ATP6V1A: variants seen among roughly 807,000 people sequenced by gnomAD.
The protein encoded by ATP6V1A is V-type proton ATPase catalytic subunit A.
ATP6V1A carries 18 observed loss-of-function variants against 70.1 expected under a neutral mutation model. That is an observed-to-expected ratio of 0.26 (90% CI 0.18 to 0.38). The LOEUF is 0.38. Among genes scored for constraint, ATP6V1A ranks in the 10% least tolerant of loss-of-function variants. ATP6V1A has a pLI of 1.00. For synonymous variants in ATP6V1A, 232 were observed against 253.8 expected (o/e 0.91, Z 0.82); for missense variants, 424 against 772.4 (o/e 0.55, Z 5.35).
intron 13 of ATP6V1A, among the ~76,000 whole-genome samples, chr3:113,804,299 C>G (rs1709251746): frequency 6.6e-6 from 1 of 151,922 alleles, no homozygotes; most frequent in Non-Finnish European, 1.5e-5. Flanking sequence ...TCTTCTTTTA[C>G]TTTTTTCCTA....
At chr3:113,781,289 G>A in intron 3 of ATP6V1A, 111 bp downstream of exon 3, 1 of 1,248,552 alleles carries the variant, frequency 8.0e-7, no homozygotes, top group Non-Finnish European at 1.1e-6. Context: ...GAGGCAGGCA[G>A]GTGGATCACC....
chr3:113,767,815 T>G (rs994794348), intron 1 of ATP6V1A, among the ~76,000 whole-genome samples: 1 of 152,182 alleles, frequency 6.6e-6, no homozygotes. Context: ...CATGCCCAGC[T>G]AATGTTTTTG....
At chr3:113,784,674 C>T (rs746120220) in intron 4 of ATP6V1A, 22 bp from the exon 5 acceptor site, 1 of 1,608,180 alleles carries the variant, frequency 6.2e-7, no homozygotes, top group Non-Finnish European at 8.5e-7. Context: ...GCAAATTAAA[C>T]AGCAAATACA....
At chr3:113,797,845 T>C (rs1325224852) in intron 11 of ATP6V1A, among the ~76,000 whole-genome samples, 1 of 152,160 alleles carries the variant, frequency 6.6e-6, no homozygotes, top group African/African-American at 2.4e-5. Context: ...AATTGTAGAA[T>C]TGCATATTTA....
intron 1 of ATP6V1A, among the ~76,000 whole-genome samples, chr3:113,762,003 T>G (rs1708710252): frequency 8.1e-6 from 1 of 123,558 alleles, no homozygotes. Flanking sequence ...AAATACATAA[T>G]TAGCTGGGCA....
intron 7 of ATP6V1A, among the ~76,000 whole-genome samples, chr3:113,789,262 G>C (rs1709068265): frequency 6.6e-6 from 1 of 152,044 alleles, no homozygotes; most frequent in African/African-American, 2.4e-5. Flanking sequence ...TGGCCAGGCT[G>C]GTTTTGAACT....
intron 1 of ATP6V1A, among the ~76,000 whole-genome samples, chr3:113,775,228 AC>A (rs1337601961): frequency 6.7e-6 from 1 of 149,692 alleles, no homozygotes; most frequent in African/African-American, 2.5e-5. Context: ...TTCACAAGGA[AC>A]TTTTTTTTTT....
intron 1 of ATP6V1A, among the ~76,000 whole-genome samples, chr3:113,767,775 C>T (rs944571847): frequency 1.3e-5 from 2 of 152,076 alleles, no homozygotes; most frequent in African/African-American, 4.8e-5. Flanking sequence ...CTCAGCTTCC[C>T]TAGTAGCTGG....
intron 1 of ATP6V1A, among the ~76,000 whole-genome samples, chr3:113,759,211 A>T (rs111299290): frequency 6.6e-6 from 1 of 151,366 alleles, no homozygotes; most frequent in African/African-American, 2.4e-5. Flanking sequence ...ATCCAAGGTC[A>T]CAAAGGAAGT....
At chr3:113,774,736 C>T (rs897878949) in intron 1 of ATP6V1A, among the ~76,000 whole-genome samples, 7 of 151,794 alleles carry the variant, frequency 4.6e-5, no homozygotes, top group African/African-American at 1.7e-4. Context: ...TCGCTTGAAC[C>T]TCAGAGGTGG....
At chr3:113,798,565 T>A in intron 12 of ATP6V1A, 119 bp downstream of exon 12, 1 of 855,686 alleles carries the variant, frequency 1.2e-6, no homozygotes, top group Non-Finnish European at 1.6e-6. Context: ...TATTAAATAT[T>A]TTTAATTGAA....
At chr3:113,785,472 A>G (rs1348464982) in intron 5 of ATP6V1A, among the ~76,000 whole-genome samples, 3 of 150,742 alleles carry the variant, frequency 2.0e-5, no homozygotes, top group Non-Finnish European at 3.0e-5. Flanking sequence ...TTATTATTAT[A>G]TAATGGATTA....
chr3:113,793,694 T>C (rs1321284285), intron 8 of ATP6V1A, among the ~76,000 whole-genome samples: 1 of 152,226 alleles, frequency 6.6e-6, no homozygotes, highest in African/African-American at 2.4e-5. Flanking sequence ...CTAAAGACTT[T>C]CTTCATGAGA....
rs114749190 is a variant in ATP6V1A, at chr3:113,764,621, A to G, written c.-13-14120A>G. Among the ~76,000 whole-genome samples, 257 of 152,262 alleles carry G rather than the reference A, an allele frequency of 1.7e-3. 1 individual carries two copies. Among genetic ancestry groups the G allele is most frequent in the Middle Eastern group, 3.4e-3 (1 of 294 alleles). ...GGCTGTCTTCTTGGCTGTTTGCATC[A>G]TAGGTAAGTTAAGCTTTAAATCAAT... On this transcript the variant is annotated intron_variant, in intron 1 of 14. Transcript: ENST00000273398.
chr3:113,792,166 T>C (rs1016433453), intron 8 of ATP6V1A, among the ~76,000 whole-genome samples: 1 of 152,228 alleles, frequency 6.6e-6, no homozygotes, highest in Non-Finnish European at 1.5e-5. Flanking sequence ...CTTATTCTTT[T>C]AAATGGCTGC....
At chr3:113,805,606 G>C (rs941951415) in intron 14 of ATP6V1A, 81 bp downstream of exon 14, 1 of 1,386,844 alleles carries the variant, frequency 7.2e-7, no homozygotes, top group African/African-American at 1.5e-5. Context: ...GTCTCACTCT[G>C]TTGCGAGGCT....
chr3:113,808,544 G>C (rs374843801), intron 14 of ATP6V1A, among the ~76,000 whole-genome samples: 1 of 151,790 alleles, frequency 6.6e-6, no homozygotes, highest in African/African-American at 2.4e-5. Context: ...CGCCTGCCTC[G>C]GCCCCCCAAA....
At chr3:113,770,700 C>T (rs77116889) in intron 1 of ATP6V1A, among the ~76,000 whole-genome samples, 26 of 151,566 alleles carry the variant, frequency 1.7e-4, no homozygotes, top group Non-Finnish European at 2.9e-4. Flanking sequence ...AAATCAATAG[C>T]TGTATATTGT....
intron 1 of ATP6V1A, among the ~76,000 whole-genome samples, chr3:113,766,582 A>G (rs748325220): frequency 1.3e-5 from 2 of 152,180 alleles, no homozygotes; most frequent in Non-Finnish European, 2.9e-5. Context: ...GGCATGAGCC[A>G]CTGCATCCAG....
Sources: gnomAD v4.1 joint callset for allele counts (sites outside exome capture counted in the v4.1 genomes callset) on GRCh38, gnomAD v4.1.1 for gene constraint, MANE v1.5 for transcripts, NCBI Gene and HGNC (gene_info 2026-07-23, HGNC 2026-07-21) for gene names.